Variants in MINAR1 observed in about 807,000 individuals in gnomAD.
The protein encoded by MINAR1 is major intrinsically disordered Notch2-binding receptor 1.
Under a neutral mutation model 65.1 loss-of-function variants are expected in MINAR1, and 40 were observed. The observed-to-expected ratio is 0.61, with a 90% CI of 0.48 to 0.80. The LOEUF is 0.80. Among genes scored for constraint, MINAR1 ranks in the 30% least tolerant of loss-of-function variants. The probability of loss-of-function intolerance (pLI) is 0.00; values close to 1 mark genes in which losing one functional copy is unlikely to be tolerated. For synonymous variants in MINAR1, 482 were observed against 449.1 expected (o/e 1.07, Z -0.93); for missense variants, 1,128 against 1,148.0 (o/e 0.98, Z 0.25).
chr15:79,421,064 C>T, the MINAR1 span: 2 of 152,144 alleles, frequency 1.3e-5, no homozygotes, highest in East Asian at 1.9e-4. Flanking sequence ...AAATCCTCCT[C>T]TTCAAATGCT....
upstream of MINAR1, among the ~76,000 whole-genome samples, chr15:79,427,857 G>A (rs1288874768): frequency 6.6e-6 from 1 of 152,142 alleles, no homozygotes; most frequent in African/African-American, 2.4e-5. Flanking sequence ...TGACAACCCT[G>A]GAGTACCCAG....
At chr15:79,458,761 A>G (rs1258640149) in intron 2 of MINAR1, among the ~76,000 whole-genome samples, 1 of 152,230 alleles carries the variant, frequency 6.6e-6, no homozygotes, top group Non-Finnish European at 1.5e-5. Context: ...AGAGCAGGCA[A>G]GCATCACCAA....
chr15:79,434,205 T>C (rs1894531717), intron 1 of MINAR1, among the ~76,000 whole-genome samples: 1 of 152,252 alleles, frequency 6.6e-6, no homozygotes, highest in Non-Finnish European at 1.5e-5. Flanking sequence ...AGGAAGTGTA[T>C]AGCACTTAAC....
chr15:79,448,770 G>C (rs1159213936), intron 1 of MINAR1, among the ~76,000 whole-genome samples: 1 of 152,214 alleles, frequency 6.6e-6, no homozygotes, highest in Non-Finnish European at 1.5e-5. Context: ...GTTGGTAGCA[G>C]AAGGGAAGAT....
chr15:79,436,569 G>A (rs1017493173), intron 1 of MINAR1, among the ~76,000 whole-genome samples: 4 of 152,210 alleles, frequency 2.6e-5, no homozygotes, highest in African/African-American at 9.7e-5. Flanking sequence ...AAGGTGCTTT[G>A]TGAGCCAAGA....
At chr15:79,465,650 G>A (rs1240560694) in intron 3 of MINAR1, among the ~76,000 whole-genome samples, 3 of 152,052 alleles carry the variant, frequency 2.0e-5, no homozygotes, top group Non-Finnish European at 4.4e-5. Context: ...AAAATCTGAT[G>A]TGTCATTTAG....
At chr15:79,444,984 C>T (rs1012117796) in intron 1 of MINAR1, among the ~76,000 whole-genome samples, 7 of 151,880 alleles carry the variant, frequency 4.6e-5, no homozygotes, top group Non-Finnish European at 1.0e-4. Flanking sequence ...ATGTTAAAAT[C>T]TCTATGCATT....
intron 1 of MINAR1, among the ~76,000 whole-genome samples, chr15:79,437,821 T>G (rs1298455169): frequency 6.9e-5 from 2 of 28,962 alleles, no homozygotes; most frequent in Admixed American, 5.1e-4. Flanking sequence ...GTGTGGGGCG[T>G]GGGTGTGTGT....
chr15:79,440,187 C>T (rs1894832119), intron 1 of MINAR1, among the ~76,000 whole-genome samples: 1 of 152,164 alleles, frequency 6.6e-6, no homozygotes, highest in Non-Finnish European at 1.5e-5. Flanking sequence ...GAGTCAGAAT[C>T]TCTGGGGTGA....
intron 1 of MINAR1, among the ~76,000 whole-genome samples, chr15:79,448,987 G>A (rs1216432978): frequency 2.6e-5 from 4 of 152,116 alleles, no homozygotes; most frequent in African/African-American, 9.7e-5. Context: ...TCTGTAGACT[G>A]GACAGCAACA....
At chr15:79,443,346 T>C (rs1466172498) in intron 1 of MINAR1, among the ~76,000 whole-genome samples, 1 of 152,134 alleles carries the variant, frequency 6.6e-6, no homozygotes, top group Non-Finnish European at 1.5e-5. Context: ...TTGACTAGGG[T>C]ACCTTACCTG....
At chr15:79,460,990 T>C (rs1442198854) in intron 2 of MINAR1, among the ~76,000 whole-genome samples, 1 of 152,226 alleles carries the variant, frequency 6.6e-6, no homozygotes, top group Non-Finnish European at 1.5e-5. Flanking sequence ...ACCTCCCCTG[T>C]ACTGATCTAA....
chr15:79,422,730 G>A, the MINAR1 span: 1 of 152,114 alleles, frequency 6.6e-6, no homozygotes, highest in East Asian at 1.9e-4. Context: ...GTGTAATGAA[G>A]CTGCCACTTG....
chr15:79,433,022 C>G (rs926602492), intron 1 of MINAR1, among the ~76,000 whole-genome samples: 1 of 152,226 alleles, frequency 6.6e-6, no homozygotes, highest in Non-Finnish European at 1.5e-5. Context: ...TTTCCAGTCA[C>G]GTTGATGTGG....
At chr15:79,466,149 AGTGTCCAGG>A (rs1316553252) in intron 3 of MINAR1, among the ~76,000 whole-genome samples, 1 of 152,162 alleles carries the variant, frequency 6.6e-6, no homozygotes, top group Non-Finnish European at 1.5e-5. Flanking sequence ...GGGTGCCCTG[AGTGTCCAGG>A]ACCACCTCCC....
rs534183706 is a variant in MINAR1 at position 79,434,852 on chromosome 15, A to C, written c.-51+2312A>C. On this transcript the variant is annotated intron_variant, in intron 1 of 3. Coordinates refer to ENST00000305428, the MANE Select transcript of MINAR1 (RefSeq NM_015206.3). ...ACTCACTATATGACCTTGGTAAATT[A>C]TGTAACTTTAATGCATGCTTGTTTT... Among the ~76,000 whole-genome samples the C allele has an allele frequency of 7.9e-5, 12 of 152,304 alleles. No homozygotes were observed. In the South Asian group the frequency reaches 1.4e-3, roughly 18 times the overall value.
the MINAR1 span, chr15:79,413,547 T>C: frequency 6.6e-6 from 1 of 152,242 alleles, no homozygotes; most frequent in African/African-American, 2.4e-5. Context: ...AGAGGGGAAA[T>C]TGCCATCCAG....
Position 79,470,061 on chromosome 15 carries a change from T to A in MINAR1, c.*1677T>A, listed in dbSNP as rs575953616. The A allele has an allele frequency of 6.5e-6, 1 of 152,726 alleles. No homozygotes were observed. Among genetic ancestry groups the A allele is most frequent in the Admixed American group, 6.5e-5 (1 of 15,298 alleles). 9.5% of individuals were successfully genotyped at this position (152,726 alleles called of 1,614,324 possible). On this transcript the variant is annotated 3_prime_UTR_variant, in exon 4 of 4. Coordinates refer to ENST00000305428, the MANE Select transcript of MINAR1 (RefSeq NM_015206.3). ...TTTTCATCTGTGGTGAACCTTTATT[T>A]TTAGAAGTCTTCATGTTATCTATTT...
chr15:79,441,979 C>T (rs1894882163), intron 1 of MINAR1, among the ~76,000 whole-genome samples: 1 of 150,746 alleles, frequency 6.6e-6, no homozygotes, highest in African/African-American at 2.4e-5. Context: ...TTCATTATTT[C>T]ATATACATTT....
Sources: allele counts gnomAD v4.1 joint callset (sites outside exome capture counted in the v4.1 genomes callset), GRCh38; gene constraint gnomAD v4.1.1; transcripts MANE v1.5; gene names NCBI Gene and HGNC (gene_info 2026-07-23, HGNC 2026-07-21).